Variants in TAOK1 observed in about 807,000 individuals in gnomAD.
TAOK1 encodes the protein serine/threonine-protein kinase TAO1.
Under a neutral mutation model 138.3 loss-of-function variants are expected in TAOK1, and 21 were observed. The ratio of observed to expected loss-of-function variants is 0.15; its 90% CI spans 0.11 to 0.22. TAOK1 has a LOEUF of 0.22. Ranked by LOEUF, TAOK1 falls within the 10% of genes least tolerant of loss-of-function variation. TAOK1 has a pLI of 1.00. For synonymous variants in TAOK1, 361 were observed against 398.4 expected, an observed-to-expected ratio of 0.91 and a Z score of 1.12; for missense variants, 651 against 1,227.7, an observed-to-expected ratio of 0.53 and a Z score of 7.02.
chr17:29,423,080 CT>C (rs1318024397), intron 1 of TAOK1, among the ~76,000 whole-genome samples: 3 of 144,428 alleles, frequency 2.1e-5, no homozygotes, highest in Admixed American at 6.9e-5. Context: ...TTATTGGTTT[CT>C]TTTTTTTCCC....
chr17:29,391,820 A>AT (rs924478281), intron 1 of TAOK1, among the ~76,000 whole-genome samples: 4 of 152,152 alleles, frequency 2.6e-5, no homozygotes, highest in Non-Finnish European at 5.9e-5. Flanking sequence ...CTGGATTGAC[A>AT]TTTTTTGTGA....
Position 29,505,182 on chromosome 17 carries a change from A to C in TAOK1, c.1338+2459A>C, listed in dbSNP as rs117095425. On this transcript the variant is annotated intron_variant, in intron 13 of 19. Coordinates refer to ENST00000261716, the MANE Select transcript of TAOK1 (RefSeq NM_020791.4). ...ACAAATAAGCATAGCTATATTATTC[A>C]TTATAAGTGCTATATACCATAACTT... is the stretch of plus-strand genomic sequence containing the variant. 8.3e-3 allele frequency among the ~76,000 whole-genome samples: 1,265 copies of C among 152,362 alleles called. 8 individuals carry two copies. Among genetic ancestry groups the C allele is most frequent in the Non-Finnish European group, 0.013 (903 of 68,032 alleles).
intron 13 of TAOK1, among the ~76,000 whole-genome samples, chr17:29,505,078 T>C (rs766757169): frequency 8.5e-5 from 13 of 152,230 alleles, no homozygotes; most frequent in Non-Finnish European, 1.5e-4. Context: ...ATCAAAAATC[T>C]GAAAAAGATT....
chr17:29,406,366 AAAAAT>A (rs1354086498), intron 1 of TAOK1, among the ~76,000 whole-genome samples: 2 of 152,146 alleles, frequency 1.3e-5, no homozygotes, highest in African/African-American at 2.4e-5. Context: ...GTCTTGAAAA[AAAAAT>A]AAAAGTACAA....
chr17:29,530,550 G>A lies in TAOK1; in HGVS notation c.2292G>A (p.Gln764=), dbSNP rs748553265. 1.9e-6 allele frequency: 3 copies of A among 1,614,168 alleles called. No homozygotes were observed. The highest frequency in any genetic ancestry group is 2.5e-6 in the Non-Finnish European group (3 of 1,180,052). ...KAVLKRLKEE[Q]TRKLAILAEQ... ...TTCTGAAACGGCTCAAGGAGGAACA[G>A]ACCCGGAAATTAGCTATCTTGGCTG... Residue 764 remains glutamine (Q), a synonymous_variant, in exon 18 of 20, where the codon CAG becomes CAA. Transcript: ENST00000261716.
chr17:29,540,469 A>G (rs1205268361), intron 19 of TAOK1, among the ~76,000 whole-genome samples: 1 of 152,112 alleles, frequency 6.6e-6, no homozygotes, highest in South Asian at 2.1e-4. Flanking sequence ...AGTTCAAGTG[A>G]TTCTCCTGCC....
chr17:29,511,060 C>A, intron 15 of TAOK1, 68 bp downstream of exon 15: 1 of 1,401,722 alleles, frequency 7.1e-7, no homozygotes, highest in Non-Finnish European at 9.6e-7. Flanking sequence ...GTGACCAACT[C>A]ATAGAAGCAT....
intron 1 of TAOK1, among the ~76,000 whole-genome samples, chr17:29,425,486 C>G (rs1253621118): frequency 6.6e-6 from 1 of 152,158 alleles, no homozygotes; most frequent in African/African-American, 2.4e-5. Context: ...TGAGACCAGC[C>G]TGGGCAGCAT....
At chr17:29,430,701 A>G (rs1836075506) in intron 1 of TAOK1, among the ~76,000 whole-genome samples, 1 of 152,148 alleles carries the variant, frequency 6.6e-6, no homozygotes, top group African/African-American at 2.4e-5. Flanking sequence ...TCCAGACCCT[A>G]TTCTCCTGCC....
chr17:29,462,480 C>T (rs1374197620), intron 2 of TAOK1, among the ~76,000 whole-genome samples: 3 of 152,130 alleles, frequency 2.0e-5, no homozygotes, highest in Non-Finnish European at 4.4e-5. Context: ...TATGGTAGAC[C>T]ATGTATGGTC....
rs2032358398 is a variant in TAOK1, at chr17:29,543,800, G to A, written c.*778G>A. ...CCTTCTTTGTATTATGATAAGATGG[G>A]GGTACTTAAGGAGATCACAAGTTGT... On this transcript the variant is annotated 3_prime_UTR_variant, in exon 20 of 20. Transcript: ENST00000261716. 6.6e-6 allele frequency: 1 copy of A among 152,028 alleles called. No homozygotes were observed. The highest frequency in any genetic ancestry group is 2.4e-5 in the African/African-American group (1 of 41,366). 9.4% of individuals were successfully genotyped at this position (152,028 alleles called of 1,614,324 possible).
At chr17:29,452,231 A>C (rs555624656) in intron 2 of TAOK1, among the ~76,000 whole-genome samples, 16 of 152,232 alleles carry the variant, frequency 1.1e-4, no homozygotes, top group Admixed American at 5.2e-4. Context: ...TAAATAAATA[A>C]ATAAATAAAT....
At chr17:29,437,734 CTTTT>C (rs11447325) in intron 1 of TAOK1, among the ~76,000 whole-genome samples, 1 of 124,196 alleles carries the variant, frequency 8.1e-6, no homozygotes. Context: ...TTATATTCTT[CTTTT>C]TTTTTTTTTT....
At chr17:29,472,677 T>G (rs534249557) in intron 3 of TAOK1, among the ~76,000 whole-genome samples, 1 of 150,962 alleles carries the variant, frequency 6.6e-6, no homozygotes, top group South Asian at 2.1e-4. Flanking sequence ...TGGGTTCAAG[T>G]GATTCTCCTG....
At chr17:29,424,505 C>T (rs1905572963) in intron 1 of TAOK1, among the ~76,000 whole-genome samples, 2 of 148,670 alleles carry the variant, frequency 1.3e-5, no homozygotes, top group South Asian at 2.1e-4. Context: ...AAGACAAATA[C>T]TGGGCAGAGA....
At position 29,460,743 on chromosome 17, in the gene TAOK1, A is replaced by G. The variant is rs561205658; in HGVS notation, c.133-6402A>G. 5.9e-5 allele frequency among the ~76,000 whole-genome samples: 9 copies of G among 152,314 alleles called. No individual in the cohort carries two copies. The East Asian group carries it at 1.7e-3, about 29-fold the overall frequency. ...TAATGTAGAGGAAAGGTTGGCATGTATCAGAGATCGAAGCAGAGAGACTGA... is the reference window on the plus strand; with the variant it reads ...TAATGTAGAGGAAAGGTTGGCATGTGTCAGAGATCGAAGCAGAGAGACTGA... On this transcript the variant is annotated intron_variant, in intron 2 of 19. Coordinates refer to ENST00000261716, the MANE Select transcript of TAOK1 (RefSeq NM_020791.4).
chr17:29,480,341 G>A (rs766797369), intron 6 of TAOK1, 27 bp from the exon 7 acceptor site: 19 of 1,528,216 alleles, frequency 1.2e-5, no homozygotes, highest in Non-Finnish European at 1.7e-5. Flanking sequence ...GGAAAGTTAA[G>A]TAATTTTCTG....
At chr17:29,512,684 C>CTTT (rs34741008) in intron 15 of TAOK1, 2 of 135,978 alleles carry the variant, frequency 1.5e-5, no homozygotes. Context: ...CAGCTGACAA[C>CTTT]TTTTTTTTTT....
At chr17:29,409,612 C>T (rs1281895829) in intron 1 of TAOK1, among the ~76,000 whole-genome samples, 1 of 151,998 alleles carries the variant, frequency 6.6e-6, no homozygotes, top group Admixed American at 6.6e-5. Flanking sequence ...GGATTACAGG[C>T]GTGAGCCACC....
Sources: gnomAD v4.1 joint callset for allele counts (sites outside exome capture counted in the v4.1 genomes callset) on GRCh38, gnomAD v4.1.1 for gene constraint, MANE v1.5 for transcripts, NCBI Gene and HGNC (gene_info 2026-07-23, HGNC 2026-07-21) for gene names.